FGF1: variants seen among roughly 807,000 people sequenced by gnomAD.
FGF1 encodes the protein fibroblast growth factor 1, also known as beta-endothelial cell growth factor.
Under a neutral mutation model 13.4 loss-of-function variants are expected in FGF1, and 9 were observed. That is an observed-to-expected ratio of 0.67 (90% CI 0.40 to 1.17). The LOEUF (loss-of-function observed/expected upper bound fraction) is 1.17. Ranked by LOEUF, FGF1 falls within the 50% of genes most tolerant of loss-of-function variation. FGF1 has a pLI of 0.01. For synonymous variants in FGF1, 93 were observed against 79.0 expected (o/e 1.18, Z -0.94); for missense variants, 156 against 192.7 (o/e 0.81, Z 1.13).
intron 1 of FGF1, among the ~76,000 whole-genome samples, chr5:142,626,031 C>T (rs1762395050): frequency 6.6e-6 from 1 of 152,160 alleles, no homozygotes. Flanking sequence ...TGGACCTATC[C>T]GTAAATAATA....
rs1166492648 is a variant in FGF1 at position 142,691,450 on chromosome 5, TAAAATAAAATAAAATAAAATA to T, written c.-35+6151_-35+6171del. ...TAAAATAAAATAAAATAAAATAAAA[TAAAATAAAATAAAATAAAATA>T]AAATAAAATAAATAAAATATTTACT... On this transcript the variant is annotated intron_variant, in intron 2 of 4. Transcript: ENST00000407758. Among the ~76,000 whole-genome samples the T allele has an allele frequency of 3.7e-5, 4 of 108,848 alleles. 1 individual carries two copies. The Admixed American group carries it at 3.7e-4, about 10-fold the overall frequency. The allele number at this position is 108,848 out of a possible 152,430, so 71.4% of individuals were successfully genotyped here.
chr5:142,634,252 T>C (rs1436172599), intron 1 of FGF1, among the ~76,000 whole-genome samples: 1 of 151,690 alleles, frequency 6.6e-6, no homozygotes, highest in East Asian at 1.9e-4. Flanking sequence ...GTTTTATGTG[T>C]GCTCCTTTTA....
chr5:142,692,000 G>A (rs1386980955), intron 2 of FGF1, among the ~76,000 whole-genome samples: 1 of 152,150 alleles, frequency 6.6e-6, no homozygotes, highest in East Asian at 1.9e-4. Flanking sequence ...CTAAAATTGT[G>A]CACTATCTCC....
At chr5:142,615,099 G>A (rs1177230133) in intron 1 of FGF1, among the ~76,000 whole-genome samples, 1 of 152,088 alleles carries the variant, frequency 6.6e-6, no homozygotes, top group African/African-American at 2.4e-5. Context: ...CAAAACCAAT[G>A]AGCATTAGAA....
At chr5:142,678,679 G>A (rs1002148609) in intron 1 of FGF1, among the ~76,000 whole-genome samples, 5 of 152,156 alleles carry the variant, frequency 3.3e-5, no homozygotes, top group Admixed American at 2.0e-4. Flanking sequence ...CTGAATGCAC[G>A]CCTGCTCCTG....
At chr5:142,695,063 A>C (rs1262968052) in intron 2 of FGF1, among the ~76,000 whole-genome samples, 1 of 152,204 alleles carries the variant, frequency 6.6e-6, no homozygotes, top group African/African-American at 2.4e-5. Flanking sequence ...AGAAGGTGGC[A>C]TCCTGGGTTA....
chr5:142,620,517 A>G (rs1761353253), intron 1 of FGF1, among the ~76,000 whole-genome samples: 1 of 152,226 alleles, frequency 6.6e-6, no homozygotes, highest in African/African-American at 2.4e-5. Context: ...GCCACATAAT[A>G]AGTGGATTAA....
intron 1 of FGF1, among the ~76,000 whole-genome samples, chr5:142,659,901 A>G (rs995244509): frequency 9.2e-5 from 14 of 152,142 alleles, no homozygotes; most frequent in Non-Finnish European, 1.8e-4. Context: ...CGAAGGGGAG[A>G]AATTCTCTTG....
chr5:142,657,077 C>T (rs1426186446), intron 1 of FGF1, among the ~76,000 whole-genome samples: 1 of 151,920 alleles, frequency 6.6e-6, no homozygotes, highest in African/African-American at 2.4e-5. Context: ...GCCACCACGC[C>T]CAGCTAATTT....
upstream of FGF1, among the ~76,000 whole-genome samples, chr5:142,690,149 G>A (rs1285935582): frequency 6.6e-6 from 1 of 150,852 alleles, no homozygotes; most frequent in East Asian, 2.0e-4. Context: ...GTGAAACCCC[G>A]TCTCTACTAA....
chr5:142,651,317 A>AACCTTTTT (rs1251858139), intron 1 of FGF1, among the ~76,000 whole-genome samples: 1 of 152,150 alleles, frequency 6.6e-6, no homozygotes, highest in African/African-American at 2.4e-5. Context: ...TGGGTTGCTT[A>AACCTTTTT]ACCTTTTTAC....
intron 1 of FGF1, among the ~76,000 whole-genome samples, chr5:142,673,254 GC>G (rs1463265519): frequency 6.6e-6 from 1 of 152,050 alleles, no homozygotes; most frequent in African/African-American, 2.4e-5. Flanking sequence ...GAGAATTTGG[GC>G]CTTTTCTCAT....
intron 1 of FGF1, among the ~76,000 whole-genome samples, chr5:142,629,212 G>T (rs1489181880): frequency 6.6e-6 from 1 of 152,178 alleles, no homozygotes; most frequent in Non-Finnish European, 1.5e-5. Flanking sequence ...CTTTAGTGCA[G>T]TGGCACGAAT....
rs1298118634 is a variant in FGF1 at position 142,633,174 on chromosome 5, C to T, written c.-34-19013G>A. 2.6e-5 allele frequency among the ~76,000 whole-genome samples: 4 copies of T among 152,138 alleles called. No homozygotes were observed. In the East Asian group the frequency reaches 7.7e-4, roughly 29 times the overall value. ...GACCTCGTGATCCACCTGCTTCGGC[C>T]TCCCAAAGTACTGGGATAGGTTGTT... On this transcript the variant is annotated intron_variant, in intron 1 of 3. Transcript: ENST00000337706.
rs571967136 is a variant in FGF1 at position 142,627,664 on chromosome 5, G to A, written c.-34-13503C>T. On this transcript the variant is annotated intron_variant, in intron 1 of 3. Transcript: ENST00000337706. ...CAAGCACCACGCAGGAAGCAGGCAG[G>A]GGAGCAGGGCCCAGGATATGCAAAG... Among the ~76,000 whole-genome samples, 8 of 152,324 alleles carry A rather than the reference G, an allele frequency of 5.3e-5. No homozygotes were observed. In the South Asian group the frequency reaches 1.7e-3, roughly 32 times the overall value.
At chr5:142,599,146 C>T (rs188180021) in intron 3 of FGF1, among the ~76,000 whole-genome samples, 1 of 152,230 alleles carries the variant, frequency 6.6e-6, no homozygotes, top group East Asian at 1.9e-4. Flanking sequence ...AAGTGACTTG[C>T]CAGAGTGGCA....
intron 1 of FGF1, among the ~76,000 whole-genome samples, chr5:142,622,578 A>G (rs1208670927): frequency 2.0e-5 from 3 of 152,224 alleles, no homozygotes. Context: ...GATCTCAGAA[A>G]GGAAGTGATC....
intron 1 of FGF1, among the ~76,000 whole-genome samples, chr5:142,614,438 A>G (rs1295831749): frequency 1.3e-5 from 2 of 152,106 alleles, no homozygotes; most frequent in African/African-American, 4.8e-5. Context: ...AAATTTAATC[A>G]TCTGACCATG....
intron 1 of FGF1, among the ~76,000 whole-genome samples, chr5:142,618,929 GTTTTTT>G (rs869093279): frequency 1.6e-5 from 1 of 61,252 alleles, no homozygotes; most frequent in Non-Finnish European, 2.9e-5. Flanking sequence ...TAGTTGTTTT[GTTTTTT>G]TTTTTTTTTT....
Sources: allele counts gnomAD v4.1 joint callset (sites outside exome capture counted in the v4.1 genomes callset), GRCh38; gene constraint gnomAD v4.1.1; transcripts MANE v1.5; gene names NCBI Gene and HGNC (gene_info 2026-07-23, HGNC 2026-07-21).